ERCC4: variants seen among roughly 807,000 people sequenced by gnomAD.
ERCC4 encodes the protein ERCC excision repair 4, endonuclease catalytic subunit.
Under a neutral mutation model 76.9 loss-of-function variants are expected in ERCC4, and 65 were observed. That is an observed-to-expected ratio of 0.84 (90% CI 0.69 to 1.04). The LOEUF is 1.04. ERCC4 is among the 50% of genes least tolerant of loss of function. ERCC4 has a pLI of 0.00. For synonymous variants in ERCC4, 463 were observed against 410.1 expected (o/e 1.13, Z -1.56); for missense variants, 1,214 against 1,128.2 (o/e 1.08, Z -1.09).
rs890505691 is a variant in ERCC4 at position 13,951,354 on chromosome 16, A to G, written c.*3007A>G. 1 of 195,466 alleles carries G rather than the reference A, an allele frequency of 5.1e-6. No homozygotes were observed. Among genetic ancestry groups the G allele is most frequent in the African/African-American group, 2.3e-5 (1 of 43,228 alleles). The allele number at this position is 195,466 out of a possible 1,614,324, so 12.1% of individuals were successfully genotyped here. A position where few individuals can be genotyped will look rare whatever the true frequency, so the allele number is the denominator to read the frequency against. On this transcript the variant is annotated 3_prime_UTR_variant, in exon 11 of 11. Transcript: ENST00000311895. ...CTAAAAGCTAGATCAGCATTTTTCTATTTTACAAGTTTTTTGTATAAAAAG... is the reference window on the plus strand; with the variant it reads ...CTAAAAGCTAGATCAGCATTTTTCTGTTTTACAAGTTTTTTGTATAAAAAG...
intron 7 of ERCC4, 153 bp downstream of exon 7, chr16:13,934,455 T>C (rs1361801624): frequency 3.0e-6 from 2 of 657,632 alleles, no homozygotes; most frequent in Non-Finnish European, 5.4e-6. Flanking sequence ...CTATAAAATG[T>C]AGACAAATAA....
intron 4 of ERCC4, among the ~76,000 whole-genome samples, chr16:13,929,501 G>A (rs1344624034): frequency 1.3e-5 from 2 of 152,164 alleles, no homozygotes; most frequent in Non-Finnish European, 2.9e-5. Context: ...CAATGGTACT[G>A]CTTTTATATC....
intron 4 of ERCC4, among the ~76,000 whole-genome samples, chr16:13,928,948 C>T (rs1224031112): frequency 6.6e-6 from 1 of 151,724 alleles, no homozygotes; most frequent in South Asian, 2.1e-4. Context: ...TAATGCGTGG[C>T]GATTATAAAA....
chr16:13,932,424 G>A (rs529574603), intron 6 of ERCC4, 139 bp downstream of exon 6: 2 of 749,286 alleles, frequency 2.7e-6, no homozygotes, highest in South Asian at 3.3e-5. Flanking sequence ...TTTGTTATAT[G>A]TAACATGTAA....
chr16:13,939,139 A>G (rs2032363863), intron 9 of ERCC4, among the ~76,000 whole-genome samples: 1 of 152,216 alleles, frequency 6.6e-6, no homozygotes, highest in Non-Finnish European at 1.5e-5. Flanking sequence ...ATCGTGTTAT[A>G]ACAGACCAGG....
chr16:13,921,099 G>C (rs906276585), intron 1 of ERCC4, among the ~76,000 whole-genome samples: 2 of 152,180 alleles, frequency 1.3e-5, no homozygotes, highest in African/African-American at 2.4e-5. Context: ...CCCTGAAAGG[G>C]AACAGTGATG....
intron 8 of ERCC4, 138 bp from the exon 9 acceptor site, chr16:13,937,628 G>A (rs2032326803): frequency 5.7e-6 from 4 of 704,080 alleles, no homozygotes; most frequent in Non-Finnish European, 1.0e-5. Flanking sequence ...GCTAGTGTGT[G>A]ATAAATGAAA....
In ERCC4 at chr16:13,948,076, C is replaced by T. The variant is rs757931216; in HGVS notation, c.2480C>T (p.Thr827Ile). Residue 827 changes from threonine (T) to isoleucine (I), a missense_variant, in exon 11 of 11, where the codon ACA becomes ATA. By Grantham distance (89) the Thr-to-Ile change is moderately conservative. Transcript: ENST00000311895. ...KQSKPQPDAA[T>I]ALAITADSET... ...AGCAAGCCACAGCCTGATGCGGCGA[C>T]AGCACTGGCCATTACAGCAGATTCT... The T allele has an allele frequency of 3.1e-6, 5 of 1,614,160 alleles. 1 individual carries two copies. In the South Asian group the frequency reaches 5.5e-5, roughly 18 times the overall value.
chr16:13,929,009 A>G (rs896770823), intron 4 of ERCC4, among the ~76,000 whole-genome samples: 1 of 152,206 alleles, frequency 6.6e-6, no homozygotes, highest in African/African-American at 2.4e-5. Flanking sequence ...TCAGTTGACT[A>G]TGAATATTGA....
At chr16:13,924,987 G>T (rs2032046428) in intron 2 of ERCC4, among the ~76,000 whole-genome samples, 1 of 152,164 alleles carries the variant, frequency 6.6e-6, no homozygotes, top group Non-Finnish European at 1.5e-5. Flanking sequence ...TGAAAAAGGA[G>T]TGTCTTGAGT....
chr16:13,937,051 C>T (rs1222740398), intron 8 of ERCC4, among the ~76,000 whole-genome samples: 1 of 151,296 alleles, frequency 6.6e-6, no homozygotes, highest in Non-Finnish European at 1.5e-5. Context: ...CCCCAAGTGG[C>T]TGGGACTACA....
In ERCC4 at chr16:13,920,364, G is replaced by A. The variant is rs2031946664; in HGVS notation, c.199G>A (p.Ala67Thr). ...CLVLVLNTQPAEEEYFINQLK... is the reference protein window; with the variant it reads ...CLVLVLNTQPTEEEYFINQLK... ...GGTGCTGGTGCTCAACACGCAGCCG[G>A]CCGAGGAGGTGCGGCCGCGCTGGCG... Residue 67 changes from alanine to threonine, a missense_variant, in exon 1 of 11, where the codon GCC becomes ACC. Coordinates refer to ENST00000311895, the MANE Select transcript of ERCC4 (RefSeq NM_005236.3). The A allele has an allele frequency of 3.2e-6, 5 of 1,578,774 alleles. No individual in the cohort carries two copies. Among genetic ancestry groups the A allele is most frequent in the Non-Finnish European group, 2.6e-6 (3 of 1,169,850 alleles).
Position 13,922,077 on chromosome 16 carries a change from C to G in ERCC4, c.254C>G (p.Pro85Arg). 1 of 1,613,788 alleles carries G rather than the reference C, an allele frequency of 6.2e-7. No individual in the cohort carries two copies. The highest frequency in any genetic ancestry group is 8.5e-7 in the Non-Finnish European group (1 of 1,179,782). The change falls in exon 2 of 11, where the codon CCT becomes CGT. Residue 85 changes from proline (P) to arginine (R), a missense_variant. Pro to Arg is a moderately radical substitution (Grantham distance 103). Transcript: ENST00000311895. The stretch of plus-strand genomic sequence containing the variant: ...AAGATAGAAGGAGTTGAACACCTCC[C>G]TCGCCGTGTAACAAATGAAATCACA... The part of the protein sequence containing the change: ...QLKIEGVEHL[P>R]RRVTNEITSN...
rs903811576 is a variant in ERCC4 at position 13,935,409 on chromosome 16, A to T, written c.1477A>T (p.Thr493Ser). Residue 493 changes from threonine (T) to serine (S), a missense_variant, in exon 8 of 11, where the codon ACC becomes TCC. Transcript: ENST00000311895. Reference sequence around the variant, plus strand: ...CCTCAAAAAGAAAAAACGGAAGTTGACCTTAACTCAAATGGTAGGAAAACC... The same window carrying T: ...CCTCAAAAAGAAAAAACGGAAGTTGTCCTTAACTCAAATGGTAGGAAAACC... ...RTLKKKKRKL[T>S]LTQMVGKPEE... is the part of the protein sequence containing the mutation. 1 of 1,612,066 alleles carries T rather than the reference A, an allele frequency of 6.2e-7. No individual in the cohort carries two copies. Among genetic ancestry groups the T allele is most frequent in the Non-Finnish European group, 8.5e-7 (1 of 1,179,576 alleles).
At position 13,926,576 on chromosome 16, in the gene ERCC4, G is replaced by C. The variant is rs772606808; in HGVS notation, c.404G>C (p.Arg135Thr). ...TCCCCCTCAGGCATCTTGGTGTATA[G>C]AGCCCACAGAATAATCGAGTCTTGT... ...SDLITGILVY[R>T]AHRIIESCQE... The change falls in exon 3 of 11, where the codon AGA (arginine) becomes ACA (threonine). Residue 135 changes from arginine to threonine, a missense_variant. Coordinates refer to ENST00000311895, the MANE Select transcript of ERCC4 (RefSeq NM_005236.3). 2 of 1,613,976 alleles carry C rather than the reference G, an allele frequency of 1.2e-6. No homozygotes were observed. Among genetic ancestry groups the C allele is most frequent in the Admixed American group, 3.3e-5 (2 of 60,022 alleles).
chr16:13,942,481 A>T (rs1265266029), intron 9 of ERCC4, among the ~76,000 whole-genome samples: 1 of 152,270 alleles, frequency 6.6e-6, no homozygotes, highest in East Asian at 1.9e-4. Context: ...TTACCACGTT[A>T]TAAGAAAAGT....
intron 4 of ERCC4, 116 bp from the exon 5 acceptor site, chr16:13,930,594 T>C: frequency 1.3e-6 from 1 of 766,674 alleles, no homozygotes; most frequent in Non-Finnish European, 2.2e-6. Context: ...ACATAAAATT[T>C]ACCATTTTAA....
intron 9 of ERCC4, among the ~76,000 whole-genome samples, chr16:13,940,572 T>G (rs971504095): frequency 6.6e-6 from 1 of 152,166 alleles, no homozygotes; most frequent in African/African-American, 2.4e-5. Context: ...GAAACTCACC[T>G]GAGCCTTGAG....
chr16:13,922,105 C>G lies in ERCC4; in HGVS notation c.282C>G (p.Ser94Arg), dbSNP rs1408812961. ...GCCGTGTAACAAATGAAATCACAAG[C>G]AACAGTCGCTATGAAGTTTACACAC... is the stretch of plus-strand genomic sequence containing the variant. ...LPRRVTNEIT[S>R]NSRYEVYTQG... Residue 94 changes from serine (S) to arginine (R), a missense_variant, in exon 2 of 11, where the codon AGC becomes AGG. By Grantham distance (110) the Ser-to-Arg change is moderately radical (BLOSUM62 -1). Coordinates refer to ENST00000311895, the MANE Select transcript of ERCC4 (RefSeq NM_005236.3). 1.9e-6 allele frequency: 3 copies of G among 1,613,360 alleles called. No individual in the cohort carries two copies. Among genetic ancestry groups the G allele is most frequent in the Admixed American group, 3.3e-5 (2 of 59,998 alleles).
Sources: gnomAD v4.1 joint callset for allele counts (sites outside exome capture counted in the v4.1 genomes callset) on GRCh38, gnomAD v4.1.1 for gene constraint, MANE v1.5 for transcripts, NCBI Gene and HGNC (gene_info 2026-07-23, HGNC 2026-07-21) for gene names.